CERS6: variants seen among roughly 807,000 people sequenced by gnomAD.
CERS6 encodes the protein ceramide synthase 6.
A neutral mutation model predicts 56.8 loss-of-function variants in CERS6; 26 were observed. The ratio of observed to expected loss-of-function variants is 0.46; its 90% CI spans 0.34 to 0.63. The LOEUF (loss-of-function observed/expected upper bound fraction) is 0.63, where lower values mean the gene tolerates loss of function less well. CERS6 is among the 30% of genes least tolerant of loss of function. The pLI is 0.01. For missense variants in CERS6, 415 were observed against 467.5 expected (o/e 0.89, Z 1.04); for synonymous variants, 164 against 173.3 (o/e 0.95, Z 0.42).
At chr2:168,556,221 C>CA (rs1222887119) in intron 2 of CERS6, among the ~76,000 whole-genome samples, 2 of 151,890 alleles carry the variant, frequency 1.3e-5, no homozygotes, top group African/African-American at 2.4e-5. Flanking sequence ...AAAACAAAAG[C>CA]AAGACTAGAG....
chr2:168,578,543 C>T (rs1451438286), intron 3 of CERS6, among the ~76,000 whole-genome samples: 1 of 152,046 alleles, frequency 6.6e-6, no homozygotes, highest in Non-Finnish European at 1.5e-5. Context: ...TTAATTTAAG[C>T]TTTTAATTTC....
chr2:168,551,773 G>A (rs937593038), intron 2 of CERS6, among the ~76,000 whole-genome samples: 17 of 152,082 alleles, frequency 1.1e-4, no homozygotes, highest in Non-Finnish European at 4.4e-5. Flanking sequence ...CTACAATTAC[G>A]GATTGTCAGA....
chr2:168,543,733 C>G (rs776635345), intron 1 of CERS6, among the ~76,000 whole-genome samples: 17 of 152,052 alleles, frequency 1.1e-4, no homozygotes, highest in Non-Finnish European at 1.5e-5. Flanking sequence ...TTAAAAAAAT[C>G]TTGAAAATTA....
At chr2:168,493,729 A>G (rs1694414135) in intron 1 of CERS6, among the ~76,000 whole-genome samples, 1 of 152,120 alleles carries the variant, frequency 6.6e-6, no homozygotes, top group Non-Finnish European at 1.5e-5. Context: ...TTAGGTGGTT[A>G]TTGTCAAAGT....
intron 4 of CERS6, among the ~76,000 whole-genome samples, chr2:168,669,602 T>C (rs1479021469): frequency 6.6e-6 from 1 of 152,200 alleles, no homozygotes; most frequent in African/African-American, 2.4e-5. Flanking sequence ...CTGTTATTAC[T>C]GGTATTATTG....
intron 1 of CERS6, among the ~76,000 whole-genome samples, chr2:168,508,715 G>GT (rs1308384333): frequency 6.6e-6 from 1 of 151,846 alleles, no homozygotes; most frequent in African/African-American, 2.4e-5. Flanking sequence ...CTGTCGGGGG[G>GT]TGGGGGGTAG....
chr2:168,644,404 G>A (rs1390328265), intron 4 of CERS6: 5 of 968,586 alleles, frequency 5.2e-6, no homozygotes, highest in Non-Finnish European at 6.1e-6. Context: ...AGAGGCAAGT[G>A]AGGCAGATGA....
intron 4 of CERS6, among the ~76,000 whole-genome samples, chr2:168,679,553 G>A (rs535369283): frequency 6.6e-5 from 10 of 152,224 alleles, no homozygotes; most frequent in African/African-American, 2.4e-4. Context: ...CTCATCTGTG[G>A]CTTCTACTCG....
intron 3 of CERS6, among the ~76,000 whole-genome samples, chr2:168,617,876 A>G (rs1268857890): frequency 6.6e-6 from 1 of 152,246 alleles, no homozygotes; most frequent in Non-Finnish European, 1.5e-5. Context: ...TCCCTAAATC[A>G]TTCTGTGAAG....
chr2:168,772,572 G>C lies in CERS6; in HGVS notation c.*2910G>C, dbSNP rs1277226343. ...TGTTCATGTTCCCCACACACCTGAAGGTGGTAGAATCTTTTCAGCCTCTTA... is the reference window on the plus strand; with the variant it reads ...TGTTCATGTTCCCCACACACCTGAACGTGGTAGAATCTTTTCAGCCTCTTA... On this transcript the variant is annotated 3_prime_UTR_variant, in exon 10 of 10. Transcript: ENST00000305747. The C allele has an allele frequency of 2.0e-5, 3 of 152,590 alleles. No individual in the cohort carries two copies. The highest frequency in any genetic ancestry group is 7.2e-5 in the African/African-American group (3 of 41,446). 9.5% of individuals were successfully genotyped at this position (152,590 alleles called of 1,614,324 possible).
intron 1 of CERS6, among the ~76,000 whole-genome samples, chr2:168,519,104 A>G (rs1694934332): frequency 6.6e-6 from 1 of 152,202 alleles, no homozygotes; most frequent in Non-Finnish European, 1.5e-5. Flanking sequence ...GTAGGTGTGC[A>G]ATAAGGATTT....
intron 1 of CERS6, among the ~76,000 whole-genome samples, chr2:168,514,262 C>G (rs11890130): frequency 0.073 from 11,133 of 152,234 alleles, 764 homozygotes; most frequent in East Asian, 0.18. Context: ...CATCTGAGTA[C>G]TGCTGGAAAG....
chr2:168,648,250 G>A (rs986549459), intron 4 of CERS6, among the ~76,000 whole-genome samples: 1 of 152,004 alleles, frequency 6.6e-6, no homozygotes, highest in Non-Finnish European at 1.5e-5. Flanking sequence ...GTCTTGGCGG[G>A]TATATGTGTC....
At chr2:168,519,146 C>A (rs748659215) in intron 1 of CERS6, among the ~76,000 whole-genome samples, 2 of 152,144 alleles carry the variant, frequency 1.3e-5, no homozygotes, top group Non-Finnish European at 2.9e-5. Flanking sequence ...TTATGTACAT[C>A]ATAAATATGG....
At chr2:168,647,660 G>C (rs1685238686) in intron 4 of CERS6, among the ~76,000 whole-genome samples, 1 of 152,098 alleles carries the variant, frequency 6.6e-6, no homozygotes, top group South Asian at 2.1e-4. Context: ...GTCATAGATG[G>C]CTCTTATTAT....
chr2:168,680,276 C>G (rs776442188), intron 4 of CERS6, among the ~76,000 whole-genome samples: 13 of 152,172 alleles, frequency 8.5e-5, no homozygotes, highest in Non-Finnish European at 1.6e-4. Context: ...AGTGGTCTGC[C>G]AAGCAGGCAG....
chr2:168,601,556 C>CTT (rs921302488), intron 3 of CERS6, among the ~76,000 whole-genome samples: 4 of 144,158 alleles, frequency 2.8e-5, no homozygotes, highest in Non-Finnish European at 6.1e-5. Flanking sequence ...TTGGCCTTAT[C>CTT]TTTTTTTTTT....
chr2:168,744,652 T>C (rs1684046515), intron 8 of CERS6, among the ~76,000 whole-genome samples: 2 of 152,136 alleles, frequency 1.3e-5, no homozygotes, highest in South Asian at 4.1e-4. Flanking sequence ...ATAAAGTGGA[T>C]AGAGGAGGAG....
chr2:168,743,163 T>TAC (rs764347142), intron 8 of CERS6, among the ~76,000 whole-genome samples: 5 of 150,424 alleles, frequency 3.3e-5, no homozygotes, highest in Non-Finnish European at 7.4e-5. Flanking sequence ...TATATATATA[T>TAC]GTATGTATGT....
Sources: allele counts gnomAD v4.1 joint callset (sites outside exome capture counted in the v4.1 genomes callset), GRCh38; gene constraint gnomAD v4.1.1; transcripts MANE v1.5; gene names NCBI Gene and HGNC (gene_info 2026-07-23, HGNC 2026-07-21).